The following NTRK3 variants were observed in gnomAD, a reference collection of about 807,000 sequenced individuals.
NTRK3 encodes the protein neurotrophic receptor tyrosine kinase 3.
In NTRK3, 24 loss-of-function variants were observed where a neutral mutation model predicts 91.7. That is an observed-to-expected ratio of 0.26 (90% CI 0.19 to 0.37). The LOEUF (loss-of-function observed/expected upper bound fraction) is 0.37, where lower values mean the gene tolerates loss of function less well. NTRK3 is among the 10% of genes least tolerant of loss of function. NTRK3 has a pLI of 1.00. For missense variants in NTRK3, 880 were observed against 1,068.9 expected (o/e 0.82, Z 2.46); for synonymous variants, 483 against 404.0 (o/e 1.20, Z -2.34).
chr15:88,204,054 C>G (rs1442331901), intron 3 of NTRK3, among the ~76,000 whole-genome samples: 2 of 152,130 alleles, frequency 1.3e-5, no homozygotes, highest in Admixed American at 6.5e-5. Flanking sequence ...CCAACAGGCC[C>G]CAGTGTGTGA....
At chr15:88,075,889 G>A (rs569294482) in intron 13 of NTRK3, among the ~76,000 whole-genome samples, 127 of 152,266 alleles carry the variant, frequency 8.3e-4, no homozygotes, top group Non-Finnish European at 1.5e-3. Context: ...TTCCTCACCT[G>A]CGAAATAAGG....
At position 88,127,229 on chromosome 15, in the gene NTRK3, G is replaced by A; in HGVS notation, c.1229-3C>T. 2 of 1,613,794 alleles carry A rather than the reference G, an allele frequency of 1.2e-6. No individual in the cohort carries two copies. The highest frequency in any genetic ancestry group is 1.7e-6 in the Non-Finnish European group (2 of 1,179,832). On this transcript the variant is annotated splice_polypyrimidine_tract_variant and splice_region_variant and intron_variant, in intron 11 of 18. Coordinates refer to ENST00000394480, the Ensembl canonical transcript of NTRK3. ...AGGTGTGGGACTCACTTCGTCAACT[G>A]AAAACCAAACACAAAAAGGAGGAGG...
chr15:88,049,531 A>C (rs1300291618), intron 13 of NTRK3, among the ~76,000 whole-genome samples: 1 of 152,202 alleles, frequency 6.6e-6, no homozygotes, highest in Non-Finnish European at 1.5e-5. Context: ...ACACTGACCT[A>C]AGCATTTAAG....
At chr15:87,932,625 T>C (rs899829911) in intron 16 of NTRK3, among the ~76,000 whole-genome samples, 1 of 152,112 alleles carries the variant, frequency 6.6e-6, no homozygotes, top group Non-Finnish European at 1.5e-5. Flanking sequence ...AGCCTCACTT[T>C]GCAAGTGAGA....
intron 14 of NTRK3, chr15:87,981,377 A>C (rs779793835): frequency 6.2e-7 from 1 of 1,614,040 alleles, no homozygotes; most frequent in Non-Finnish European, 8.5e-7. Context: ...GAAGAGGCAG[A>C]CATGGGGGAA....
chr15:87,922,037 T>C (rs986305669), intron 17 of NTRK3, among the ~76,000 whole-genome samples: 3 of 152,210 alleles, frequency 2.0e-5, no homozygotes, highest in Non-Finnish European at 4.4e-5. Context: ...GTACCACTTA[T>C]TAAATGAGAT....
chr15:88,122,795 C>G (rs2052867445), intron 13 of NTRK3, among the ~76,000 whole-genome samples: 2 of 152,104 alleles, frequency 1.3e-5, no homozygotes, highest in Admixed American at 1.3e-4. Flanking sequence ...TCTCAGATCT[C>G]CCAATTAACT....
chr15:87,873,479 G>C (rs1245124305), exon 19 of NTRK3: 3 of 231,430 alleles, frequency 1.3e-5, no homozygotes, highest in Non-Finnish European at 2.6e-5. Context: ...GTCCAGGAGA[G>C]GATCCGGTGA....
chr15:87,911,342 A>T (rs1480712584), intron 17 of NTRK3, among the ~76,000 whole-genome samples: 1 of 152,230 alleles, frequency 6.6e-6, no homozygotes, highest in Non-Finnish European at 1.5e-5. Context: ...TTATCTAAGC[A>T]ATCTCTGTTG....
chr15:88,132,421 A>C (rs1349560166), intron 10 of NTRK3, among the ~76,000 whole-genome samples: 1 of 152,192 alleles, frequency 6.6e-6, no homozygotes, highest in Non-Finnish European at 1.5e-5. Flanking sequence ...CAGAGAAGTG[A>C]TTGTCCTCCA....
rs2052601502 is a variant in NTRK3, at chr15:88,243,977, A to G, written c.248+11929T>C. Reference sequence around the variant, plus strand: ...GAAATTCTGCTAATGAAACCTCTGAAGCCAATATCCACTAACCCTGACTCA... The same window carrying G: ...GAAATTCTGCTAATGAAACCTCTGAGGCCAATATCCACTAACCCTGACTCA... On this transcript the variant is annotated intron_variant, in intron 3 of 18. Coordinates refer to ENST00000394480, the Ensembl canonical transcript of NTRK3. The surrounding 1 kb of genome is among the most constrained non-coding windows in gnomAD (Gnocchi z 4.8). 6.6e-6 allele frequency among the ~76,000 whole-genome samples: 1 copy of G among 152,158 alleles called. No individual in the cohort carries two copies. The highest frequency in any genetic ancestry group is 1.5e-5 in the Non-Finnish European group (1 of 68,028).
rs528785197 is a variant in NTRK3 at position 88,234,810 on chromosome 15, A to G, written c.248+21096T>C. Reference sequence around the variant, plus strand: ...AATCTAACCCCTTCCCACAGCCTGCATGACCCTGCTTGATCTAGTCCCTGC... The same window carrying G: ...AATCTAACCCCTTCCCACAGCCTGCGTGACCCTGCTTGATCTAGTCCCTGC... On this transcript the variant is annotated intron_variant, in intron 3 of 18. Transcript: ENST00000394480. This position sits in a 1 kb window ranked among gnomAD's most constrained non-coding sequence, Gnocchi z 6.1. Among the ~76,000 whole-genome samples the G allele has an allele frequency of 4.5e-4, 68 of 152,218 alleles. No homozygotes were observed. Among genetic ancestry groups the G allele is most frequent in the African/African-American group, 1.5e-3 (62 of 41,546 alleles).
intron 13 of NTRK3, among the ~76,000 whole-genome samples, chr15:88,084,504 T>G (rs1405232066): frequency 1.3e-5 from 2 of 152,120 alleles, no homozygotes; most frequent in Non-Finnish European, 2.9e-5. Flanking sequence ...TGCAAGCAGG[T>G]TCCTCTGGAA....
chr15:87,981,127 A>T (rs1452215539), intron 14 of NTRK3: 1 of 1,540,982 alleles, frequency 6.5e-7, no homozygotes, highest in African/African-American at 1.4e-5. Flanking sequence ...CAGTCCACGA[A>T]ATATATGGAG....
intron 14 of NTRK3, among the ~76,000 whole-genome samples, chr15:87,969,111 C>A (rs1045920996): frequency 1.3e-5 from 2 of 152,090 alleles, no homozygotes; most frequent in African/African-American, 4.8e-5. Context: ...AGGCATAGGA[C>A]AATTGCCTTC....
intron 3 of NTRK3, among the ~76,000 whole-genome samples, chr15:88,203,813 T>C (rs984127005): frequency 1.3e-5 from 2 of 152,196 alleles, no homozygotes; most frequent in African/African-American, 4.8e-5. Flanking sequence ...CCCCAAAATA[T>C]GTATGTCTAT....
chr15:88,193,366 C>T (rs2047562557), intron 3 of NTRK3, among the ~76,000 whole-genome samples: 1 of 152,114 alleles, frequency 6.6e-6, no homozygotes, highest in African/African-American at 2.4e-5. Context: ...TCAGAGGTCT[C>T]AAGGGCCCCA....
chr15:87,940,869 A>G, intron 14 of NTRK3, 116 bp from the exon 15 acceptor site: 1 of 1,382,710 alleles, frequency 7.2e-7, no homozygotes, highest in Non-Finnish European at 1.0e-6. Context: ...TACAGCAGGC[A>G]AAGGCAAACT....
intron 14 of NTRK3, among the ~76,000 whole-genome samples, chr15:88,017,997 A>G (rs781615047): frequency 2.3e-4 from 35 of 152,278 alleles, no homozygotes; most frequent in Non-Finnish European, 4.1e-4. Context: ...AAGCTTATAC[A>G]TTGCCTGCTG....
Sources: allele counts gnomAD v4.1 joint callset (sites outside exome capture counted in the v4.1 genomes callset), GRCh38; gene constraint gnomAD v4.1.1; non-coding constraint Gnocchi (gnomAD v3.1); transcripts MANE v1.5; gene names NCBI Gene and HGNC (gene_info 2026-07-23, HGNC 2026-07-21).